ARHGAP39: variants seen among roughly 807,000 people sequenced by gnomAD.
The protein encoded by ARHGAP39 is rho GTPase-activating protein 39.
A neutral mutation model predicts 106.9 loss-of-function variants in ARHGAP39; 44 were observed. That is an observed-to-expected ratio of 0.41 (90% CI 0.32 to 0.53). The LOEUF (loss-of-function observed/expected upper bound fraction) is 0.53. Among genes scored for constraint, ARHGAP39 ranks in the 20% least tolerant of loss-of-function variants. The pLI is 0.21. For missense variants in ARHGAP39, 1,496 were observed against 1,577.3 expected, an observed-to-expected ratio of 0.95 and a Z score of 0.87; for synonymous variants, 768 against 693.2, an observed-to-expected ratio of 1.11 and a Z score of -1.69.
At position 144,581,239 on chromosome 8, in the gene ARHGAP39, T is replaced by G; in HGVS notation, c.119A>C (p.Glu40Ala). The change falls in exon 3 of 12, where the codon GAG becomes GCG. Residue 40 changes from glutamate to alanine, a missense_variant. By Grantham distance (107) the Glu-to-Ala change is moderately radical (BLOSUM62 -1). Transcript: ENST00000377307. Reference sequence around the variant, plus strand: ...GGTGACCAGGTTGGCGTACATGCGCTCGCGGGTGCGCGGTTCGATGATCTC... The same window carrying G: ...GGTGACCAGGTTGGCGTACATGCGCGCGCGGGTGCGCGGTTCGATGATCTC... Reference protein sequence around the residue: ...WVEIIEPRTRERMYANLVTGE... With the variant: ...WVEIIEPRTRARMYANLVTGE... The G allele has an allele frequency of 6.4e-7, 1 of 1,553,670 alleles. No individual in the cohort carries two copies. Among genetic ancestry groups the G allele is most frequent in the Non-Finnish European group, 8.7e-7 (1 of 1,149,650 alleles).
chr8:144,549,186 A>G lies in ARHGAP39; in HGVS notation c.597-697T>C, dbSNP rs141961721. ...CCTGCTCTGGGCAGCACTGCGGGGC[A>G]GATATGCAGACGCAATGCCCACACG... On this transcript the variant is annotated intron_variant, in intron 4 of 11. Transcript: ENST00000377307. Among the ~76,000 whole-genome samples the G allele has an allele frequency of 4.1e-3, 630 of 152,366 alleles. 5 individuals carry two copies. Among genetic ancestry groups the G allele is most frequent in the African/African-American group, 0.014 (594 of 41,580 alleles).
At chr8:144,558,568 C>T (rs892687929) in intron 3 of ARHGAP39, among the ~76,000 whole-genome samples, 13 of 136,624 alleles carry the variant, frequency 9.5e-5, no homozygotes, top group Admixed American at 4.6e-4. Context: ...GCTGGCATTA[C>T]AGGCGTGAGT....
At chr8:144,661,909 C>T (rs1821832272) in intron 1 of ARHGAP39, among the ~76,000 whole-genome samples, 1 of 151,136 alleles carries the variant, frequency 6.6e-6, no homozygotes, top group Non-Finnish European at 1.5e-5. Context: ...CCCCGCCCCC[C>T]TTTCCGCATC....
rs373692736 is a variant in ARHGAP39, at chr8:144,612,786, T to C, written c.-81-7091A>G. Among the ~76,000 whole-genome samples the C allele has an allele frequency of 5.2e-4, 52 of 100,452 alleles. No homozygotes were observed. In the East Asian group the frequency reaches 0.012, roughly 22 times the overall value. 65.9% of individuals were successfully genotyped at this position (100,452 alleles called of 152,430 possible). On this transcript the variant is annotated intron_variant, in intron 1 of 11. Coordinates refer to ENST00000377307, the MANE Select transcript of ARHGAP39 (RefSeq NM_025251.3). ...CGCCGCTGCACTCCAGCCAGGGGGATAGAGTGAAGTGAGCCACGGCTGCAC... is the reference window on the plus strand; with the variant it reads ...CGCCGCTGCACTCCAGCCAGGGGGACAGAGTGAAGTGAGCCACGGCTGCAC...
At chr8:144,566,593 T>TAA (rs1818404539) in intron 3 of ARHGAP39, among the ~76,000 whole-genome samples, 5 of 152,168 alleles carry the variant, frequency 3.3e-5, no homozygotes, top group Admixed American at 6.5e-5. Context: ...TGGTAGCTCA[T>TAA]GCCTGTAATC....
chr8:144,652,531 T>C (rs954208454), intron 1 of ARHGAP39, among the ~76,000 whole-genome samples: 8 of 152,178 alleles, frequency 5.3e-5, no homozygotes, highest in Admixed American at 1.3e-4. Flanking sequence ...AATGATAGAT[T>C]GGATTTTTAA....
At chr8:144,696,054 A>G in the ARHGAP39 span, among the ~76,000 whole-genome samples, 2 of 152,146 alleles carry the variant, frequency 1.3e-5, no homozygotes, top group Non-Finnish European at 2.9e-5. Flanking sequence ...GGTTAGTGAA[A>G]ACAAGCTTGG....
intron 2 of ARHGAP39, among the ~76,000 whole-genome samples, chr8:144,596,611 T>G (rs530088245): frequency 6.6e-6 from 1 of 152,330 alleles, no homozygotes; most frequent in South Asian, 2.1e-4. Context: ...GAGGAAGCCC[T>G]GCAACGGTGA....
chr8:144,669,506 C>CACA (rs1822046252), intron 1 of ARHGAP39, among the ~76,000 whole-genome samples: 1 of 59,746 alleles, frequency 1.7e-5, no homozygotes, highest in African/African-American at 6.7e-5. Flanking sequence ...GACTCGGTCT[C>CACA]AAAAAAAAAA....
intron 2 of ARHGAP39, among the ~76,000 whole-genome samples, chr8:144,583,454 G>A (rs761365299): frequency 5.3e-5 from 8 of 152,122 alleles, no homozygotes; most frequent in South Asian, 2.1e-4. Flanking sequence ...GTCTGCCCAC[G>A]GCCCGGGCGG....
intron 7 of ARHGAP39, among the ~76,000 whole-genome samples, 197 bp from the exon 8 acceptor site, chr8:144,534,399 C>G (rs1256320212): frequency 1.3e-5 from 2 of 152,186 alleles, no homozygotes; most frequent in Non-Finnish European, 2.9e-5. Context: ...GGAGCACTTC[C>G]CCACCTGCAG....
At chr8:144,632,582 AG>A (rs1821090472) in intron 1 of ARHGAP39, among the ~76,000 whole-genome samples, 1 of 152,210 alleles carries the variant, frequency 6.6e-6, no homozygotes, top group Non-Finnish European at 1.5e-5. Flanking sequence ...CCCCTGCCCC[AG>A]GGGTTCTGGT....
chr8:144,620,014 G>A (rs1231840417), intron 1 of ARHGAP39, among the ~76,000 whole-genome samples: 1 of 146,640 alleles, frequency 6.8e-6, no homozygotes, highest in Non-Finnish European at 1.5e-5. Flanking sequence ...GAGCCTGTGC[G>A]TCCCTGACAG....
intron 4 of ARHGAP39, among the ~76,000 whole-genome samples, chr8:144,552,267 G>A (rs1215186844): frequency 2.6e-5 from 4 of 152,260 alleles, no homozygotes; most frequent in Non-Finnish European, 5.9e-5. Context: ...AGAATTGGAA[G>A]CGCTGCACAA....
At chr8:144,624,527 C>T (rs997697708) in intron 1 of ARHGAP39, among the ~76,000 whole-genome samples, 2 of 152,248 alleles carry the variant, frequency 1.3e-5, no homozygotes, top group African/African-American at 2.4e-5. Context: ...CACGGCTGCA[C>T]GAACAGCAAA....
chr8:144,622,162 C>T (rs1015201741), intron 1 of ARHGAP39, among the ~76,000 whole-genome samples: 18 of 152,204 alleles, frequency 1.2e-4, no homozygotes, highest in Non-Finnish European at 2.5e-4. Context: ...GGCAGACCGC[C>T]TCTGCCTCGA....
chr8:144,635,530 T>C (rs1376146395), intron 1 of ARHGAP39, among the ~76,000 whole-genome samples: 1 of 152,210 alleles, frequency 6.6e-6, no homozygotes, highest in Non-Finnish European at 1.5e-5. Context: ...CCCAAAATTC[T>C]ATGAGTCACT....
In ARHGAP39 at chr8:144,580,965, GCTGAC is replaced by G; in HGVS notation, c.388_392del (p.Val130ProfsTer2). On this transcript the variant is annotated frameshift_variant, in exon 3 of 12. Transcript: ENST00000377307. LOFTEE classifies it high-confidence loss of function. ...GGGAGGAGCTGGTGCTGCCCTCACG[GCTGAC>G]GCTGCTGCCGCGCCCGGGGCTGCTC... 1 of 1,600,756 alleles carries G rather than the reference GCTGAC, an allele frequency of 6.2e-7. No homozygotes were observed. The highest frequency in any genetic ancestry group is 8.5e-7 in the Non-Finnish European group (1 of 1,175,302).
At chr8:144,614,911 T>C (rs2130959899) in intron 1 of ARHGAP39, among the ~76,000 whole-genome samples, 1 of 152,290 alleles carries the variant, frequency 6.6e-6, no homozygotes, top group Admixed American at 6.5e-5. Context: ...CCCTTACTGT[T>C]CCCTCTAATC....
Sources: allele counts gnomAD v4.1 joint callset (sites outside exome capture counted in the v4.1 genomes callset), GRCh38; gene constraint gnomAD v4.1.1; transcripts MANE v1.5; gene names NCBI Gene and HGNC (gene_info 2026-07-23, HGNC 2026-07-21).